Variants in TRIM65 observed in about 807,000 individuals in gnomAD.
TRIM65 encodes tripartite motif containing 65.
TRIM65 carries 46 observed loss-of-function variants against 36.1 expected under a neutral mutation model. That is an observed-to-expected ratio of 1.27 (90% CI 1.01 to 1.63). The LOEUF (loss-of-function observed/expected upper bound fraction) is 1.63. Ranked by LOEUF, TRIM65 falls within the 40% of genes most tolerant of loss-of-function variation. The probability of loss-of-function intolerance (pLI) is 0.00; values close to 1 mark genes in which losing one functional copy is unlikely to be tolerated. For synonymous variants in TRIM65, 346 were observed against 313.6 expected, an observed-to-expected ratio of 1.10 and a Z score of -1.09; for missense variants, 708 against 696.6, an observed-to-expected ratio of 1.02 and a Z score of -0.18.
chr17:75,887,893 C>T (rs992340860), downstream of TRIM65, among the ~76,000 whole-genome samples: 6 of 152,030 alleles, frequency 3.9e-5, no homozygotes, highest in Admixed American at 3.9e-4. Flanking sequence ...TGGTGGCTCA[C>T]GCCTGTAATC....
intron 5 of TRIM65, 115 bp downstream of exon 5, chr17:75,891,698 C>T: frequency 7.5e-7 from 1 of 1,327,120 alleles, no homozygotes; most frequent in Non-Finnish European, 1.1e-6. Context: ...AAACAAGTGC[C>T]CCCCTCACTC....
In TRIM65 at chr17:75,891,013, G is replaced by T. The variant is rs1284091664; in HGVS notation, c.1320C>A (p.Ala440=). Residue 440 remains alanine (A), a synonymous_variant, in exon 6 of 6, where the codon GCC becomes GCA. Transcript: ENST00000269383. ...DSLQAWHNGE[A]QRLPGVSGRL... ...GCCCTGACACCCCTGGGAGGCGCTGGGCTTCCCCGTTGTGCCAGGCCTGGA... is the reference window on the plus strand; with the variant it reads ...GCCCTGACACCCCTGGGAGGCGCTGTGCTTCCCCGTTGTGCCAGGCCTGGA... The T allele has an allele frequency of 6.2e-7, 1 of 1,603,856 alleles. No individual in the cohort carries two copies. The highest frequency in any genetic ancestry group is 8.5e-7 in the Non-Finnish European group (1 of 1,175,690).
downstream of TRIM65, chr17:75,888,911 T>A (rs2065231182): frequency 6.7e-6 from 1 of 150,110 alleles, no homozygotes; most frequent in Admixed American, 6.6e-5. Context: ...TTTTTTTTTT[T>A]ACAAATATAA....
rs2065247094 is a variant in TRIM65 at position 75,890,279 on chromosome 17, A to C, written c.*500T>G. 1 of 152,474 alleles carries C rather than the reference A, an allele frequency of 6.6e-6. No individual in the cohort carries two copies. Among genetic ancestry groups the C allele is most frequent in the Non-Finnish European group, 1.5e-5 (1 of 68,220 alleles). 9.4% of individuals were successfully genotyped at this position (152,474 alleles called of 1,614,324 possible). A position where few individuals can be genotyped will look rare whatever the true frequency, so the allele number is the denominator to read the frequency against. ...TTGTAGAATACAATTATAAGGATGC[A>C]CAAAATAAAAAGACTACAAGACAGG... On this transcript the variant is annotated 3_prime_UTR_variant, in exon 6 of 6. Transcript: ENST00000269383.
intron 4 of TRIM65, among the ~76,000 whole-genome samples, chr17:75,881,238 AAAAAAAAAAAAAAAAAAAAG>A (rs936574802): frequency 1.6e-5 from 1 of 63,274 alleles, no homozygotes; most frequent in African/African-American, 1.3e-4. Context: ...TCCATCTCAA[AAAAAAAAAAAAAAAAAAAAG>A]AAAAGAAAAG....
At chr17:75,881,299 T>TG (rs1285945760) in intron 4 of TRIM65, among the ~76,000 whole-genome samples, 1 of 149,286 alleles carries the variant, frequency 6.7e-6, no homozygotes, top group Admixed American at 6.6e-5. Context: ...CCCAGCCTCT[T>TG]GGGGAGGGAG....
intron 4 of TRIM65, among the ~76,000 whole-genome samples, chr17:75,883,386 G>C (rs2065181271): frequency 6.6e-6 from 1 of 151,986 alleles, no homozygotes; most frequent in Non-Finnish European, 1.5e-5. Flanking sequence ...CAAATTGCTG[G>C]GACTACAGGC....
rs1341222183 is a variant in TRIM65 at position 75,896,384 on chromosome 17, G to T, written c.414+140C>A. 7 of 1,188,708 alleles carry T rather than the reference G, an allele frequency of 5.9e-6. No homozygotes were observed. The Admixed American group carries it at 1.7e-4, about 30-fold the overall frequency. The allele number at this position is 1,188,708 out of a possible 1,614,324, so 73.6% of individuals were successfully genotyped here. A position where few individuals can be genotyped will look rare whatever the true frequency, so the allele number is the denominator to read the frequency against. On this transcript the variant is annotated intron_variant, in intron 1 of 5. Transcript: ENST00000269383. Reference sequence around the variant, plus strand: ...CACGACTTTTATAATCAGCTCCCAGGTTGGGAGAAGCCCCTTACAGATGAG... The same window carrying T: ...CACGACTTTTATAATCAGCTCCCAGTTTGGGAGAAGCCCCTTACAGATGAG...
In TRIM65 at chr17:75,889,560, C is replaced by G. The variant is rs114782916; in HGVS notation, c.*1219G>C. 1 of 152,268 alleles carries G rather than the reference C, an allele frequency of 6.6e-6. No individual in the cohort carries two copies. The highest frequency in any genetic ancestry group is 2.4e-5 in the African/African-American group (1 of 41,444). 9.4% of individuals were successfully genotyped at this position (152,268 alleles called of 1,614,324 possible). On this transcript the variant is annotated 3_prime_UTR_variant, in exon 6 of 6. Transcript: ENST00000269383. ...TAGCCTGTGCCGACACCTGCACACACGGCTGCCCCAAAGTCCCACACCCAG... is the reference window on the plus strand; with the variant it reads ...TAGCCTGTGCCGACACCTGCACACAGGGCTGCCCCAAAGTCCCACACCCAG...
chr17:75,893,561 G>C (rs1391130931), intron 1 of TRIM65, among the ~76,000 whole-genome samples: 2 of 152,094 alleles, frequency 1.3e-5, no homozygotes, highest in African/African-American at 4.8e-5. Context: ...CTGGTCAAAA[G>C]CTTCACCACC....
rs906812833 is a variant in TRIM65, at chr17:75,894,151, CCT to C, written c.415-1303_415-1302del. Among the ~76,000 whole-genome samples the C allele has an allele frequency of 7.2e-5, 11 of 152,254 alleles. No homozygotes were observed. In the South Asian group the frequency reaches 8.3e-4, roughly 11 times the overall value. The stretch of plus-strand genomic sequence containing the variant: ...TTCGTGCCCTCTCCTGTTCCAGCCA[CCT>C]CTGTCTCAGTCCTCCCACCTCACCG... On this transcript the variant is annotated intron_variant, in intron 1 of 5. Transcript: ENST00000269383.
chr17:75,888,326 C>A (rs999474277), downstream of TRIM65, among the ~76,000 whole-genome samples: 1 of 150,064 alleles, frequency 6.7e-6, no homozygotes, highest in Non-Finnish European at 1.5e-5. Context: ...GTACTCCAGC[C>A]TGGGCGACAG....
At position 75,890,628 on chromosome 17, in the gene TRIM65, G is replaced by C. The variant is rs374116130; in HGVS notation, c.*151C>G. On this transcript the variant is annotated 3_prime_UTR_variant, in exon 6 of 6. Coordinates refer to ENST00000269383, the MANE Select transcript of TRIM65 (RefSeq NM_173547.4). The stretch of plus-strand genomic sequence containing the variant: ...CAAAAAGGCTGCAACAGTGAACTCT[G>C]CGTTTATGCTCACCTCCCCCAACCT... The C allele has an allele frequency of 2.2e-4, 140 of 638,614 alleles. 4 individuals carry two copies. Among genetic ancestry groups the C allele is most frequent in the East Asian group, 2.1e-3 (68 of 32,634 alleles). 39.6% of individuals were successfully genotyped at this position (638,614 alleles called of 1,614,324 possible).
chr17:75,896,213 G>A (rs1051516361), intron 1 of TRIM65, among the ~76,000 whole-genome samples: 2 of 152,146 alleles, frequency 1.3e-5, no homozygotes, highest in African/African-American at 4.8e-5. Context: ...CCGCCACCAC[G>A]CCCGGCTAAC....
intron 5 of TRIM65, 98 bp from the exon 6 acceptor site, chr17:75,891,445 C>G: frequency 7.8e-7 from 1 of 1,288,610 alleles, no homozygotes; most frequent in Non-Finnish European, 1.1e-6. Flanking sequence ...CGCTGAGCAC[C>G]GGCCGTCACC....
chr17:75,887,757 C>T (rs138484476), downstream of TRIM65, among the ~76,000 whole-genome samples: 488 of 152,280 alleles, frequency 3.2e-3, 5 homozygotes, highest in African/African-American at 0.011. Flanking sequence ...CATGGCGACT[C>T]ACGCCTGTAA....
rs1204135062 is a variant in TRIM65, at chr17:75,890,813, A to G, written c.1520T>C (p.Phe507Ser). 22 of 1,509,794 alleles carry G rather than the reference A, an allele frequency of 1.5e-5. No individual in the cohort carries two copies. In the African/African-American group the frequency reaches 1.8e-4, roughly 13 times the overall value. The allele number at this position is 1,509,794 out of a possible 1,614,324, so 93.5% of individuals were successfully genotyped here. A position where few individuals can be genotyped will look rare whatever the true frequency, so the allele number is the denominator to read the frequency against. Residue 507 changes from phenylalanine (F) to serine (S), a missense_variant, in exon 6 of 6, where the codon TTC becomes TCC. Coordinates refer to ENST00000269383, the MANE Select transcript of TRIM65 (RefSeq NM_173547.4). ...CACCTCTTCCTGGGGCCCCAGAGGG[A>G]ACACAGCCCCTGGCTGATGGCACAG... The part of the protein sequence containing the change: ...LTLCHQPGAV[F>S]PLGPQEEVLS
In TRIM65 at chr17:75,892,446, G is replaced by A; in HGVS notation, c.565C>T (p.Gln189Ter). Reference protein sequence around the residue: ...WVSGKFSSLLQALEIQHTTAL... With the variant: ...WVSGKFSSLL ...GTCGTGTGCTGTATTTCCAGGGCCT[G>A]TAGCAGGCTGCTGAACTTGCCGGAG... is the stretch of plus-strand genomic sequence containing the variant. The change falls in exon 3 of 6, where the codon CAG becomes TAG. Residue 189 changes from glutamine to a stop codon, truncating the protein, a stop_gained. Transcript: ENST00000269383. LOFTEE classifies it high-confidence loss of function. The A allele has an allele frequency of 1.2e-6, 2 of 1,614,136 alleles. No individual in the cohort carries two copies. The highest frequency in any genetic ancestry group is 1.7e-6 in the Non-Finnish European group (2 of 1,180,004).
intron 4 of TRIM65, 23 bp from the exon 5 acceptor site, chr17:75,891,901 G>C: frequency 6.2e-7 from 1 of 1,603,014 alleles, no homozygotes. Context: ...GCAGTGTTAA[G>C]GGAATGGTTG....
Sources: gnomAD v4.1 joint callset for allele counts (sites outside exome capture counted in the v4.1 genomes callset) on GRCh38, gnomAD v4.1.1 for gene constraint, MANE v1.5 for transcripts, NCBI Gene and HGNC (gene_info 2026-07-23, HGNC 2026-07-21) for gene names.